MARCHF11: variants seen among roughly 807,000 people sequenced by gnomAD.
The protein encoded by MARCHF11 is membrane associated ring-CH-type finger 11.
Under a neutral mutation model 37.3 loss-of-function variants are expected in MARCHF11, and 29 were observed. The ratio of observed to expected loss-of-function variants is 0.78; its 90% CI spans 0.58 to 1.06. The LOEUF (loss-of-function observed/expected upper bound fraction) is 1.06. Ranked by LOEUF, MARCHF11 falls within the 50% of genes least tolerant of loss-of-function variation. The pLI is 0.00. For missense variants in MARCHF11, 482 were observed against 533.4 expected (o/e 0.90, Z 0.95); for synonymous variants, 233 against 228.0 (o/e 1.02, Z -0.20).
At chr5:16,137,547 G>A (rs1436412885) in intron 2 of MARCHF11, among the ~76,000 whole-genome samples, 1 of 152,134 alleles carries the variant, frequency 6.6e-6, no homozygotes, top group East Asian at 1.9e-4. Context: ...TATTGGTACT[G>A]GTAAAGTGGG....
At chr5:16,139,818 A>C (rs1157146907) in intron 2 of MARCHF11, among the ~76,000 whole-genome samples, 1 of 152,164 alleles carries the variant, frequency 6.6e-6, no homozygotes, top group African/African-American at 2.4e-5. Flanking sequence ...AATAAGAATA[A>C]AATTACCAAG....
chr5:16,165,256 G>GAC (rs1415597501), intron 2 of MARCHF11, among the ~76,000 whole-genome samples: 2 of 152,024 alleles, frequency 1.3e-5, no homozygotes, highest in Non-Finnish European at 2.9e-5. Context: ...TTTGTTTGAA[G>GAC]ACACTTCATT....
chr5:16,153,276 A>T (rs1459538256), intron 2 of MARCHF11, among the ~76,000 whole-genome samples: 1 of 152,056 alleles, frequency 6.6e-6, no homozygotes, highest in African/African-American at 2.4e-5. Flanking sequence ...ATGAGAAAAA[A>T]GTGCTTCCAG....
At chr5:16,099,193 T>G (rs1345439321) in intron 2 of MARCHF11, among the ~76,000 whole-genome samples, 2 of 152,134 alleles carry the variant, frequency 1.3e-5, no homozygotes, top group Non-Finnish European at 2.9e-5. Context: ...TGATCAAATT[T>G]CCAAGAAATA....
chr5:16,090,852 A>ACTGACAGTG, intron 3 of MARCHF11, 37 bp downstream of exon 3: 1 of 1,405,156 alleles, frequency 7.1e-7, no homozygotes, highest in Non-Finnish European at 9.5e-7. Context: ...GAAATGGATT[A>ACTGACAGTG]CTGACAGTGT....
rs568678414 is a variant in MARCHF11 at position 16,147,140 on chromosome 5, A to T, written c.693+30586T>A. ...GAGGTGACTGCATTTAGAGGCAGGC[A>T]CAGCCACAATAGAACAGGTTTTGAC... On this transcript the variant is annotated intron_variant, in intron 2 of 3. Transcript: ENST00000332432. 1.4e-4 allele frequency among the ~76,000 whole-genome samples: 21 copies of T among 152,324 alleles called. No homozygotes were observed. In the South Asian group the frequency reaches 4.3e-3, roughly 32 times the overall value.
chr5:16,095,483 AG>A (rs1342513045), intron 2 of MARCHF11, among the ~76,000 whole-genome samples: 537 of 50,152 alleles, frequency 0.011, 3 homozygotes, highest in African/African-American at 0.047. Context: ...GAAGGAAGGA[AG>A]GGAGGGAGGG....
chr5:16,158,202 G>A lies in MARCHF11; in HGVS notation c.693+19524C>T, dbSNP rs935696310. ...GTGTTGGCAAGGATGTGGAAAAAAG[G>A]GAGCACTCACACACTGTTAGTGGGA... On this transcript the variant is annotated intron_variant, in intron 2 of 3. Transcript: ENST00000332432. Among the ~76,000 whole-genome samples the A allele has an allele frequency of 2.0e-5, 3 of 151,896 alleles. No individual in the cohort carries two copies. In the East Asian group the frequency reaches 5.8e-4, roughly 29 times the overall value.
intron 2 of MARCHF11, among the ~76,000 whole-genome samples, chr5:16,121,289 G>T (rs2402096): frequency 6.6e-6 from 1 of 152,008 alleles, no homozygotes; most frequent in South Asian, 2.1e-4. Flanking sequence ...ACCGTGTGAC[G>T]TACTATATTT....
intron 2 of MARCHF11, among the ~76,000 whole-genome samples, chr5:16,145,735 T>C (rs757335349): frequency 7.0e-6 from 1 of 143,036 alleles, no homozygotes; most frequent in Non-Finnish European, 1.6e-5. Flanking sequence ...CAGTACAAGA[T>C]TTTATGAAAA....
Position 16,179,514 on chromosome 5 carries a change from T to C in MARCHF11, c.62A>G (p.Glu21Gly), listed in dbSNP as rs865869209. ...RCRGAESGDA[E>G]PPPQPPPPPP... Reference sequence around the variant, plus strand: ...CGGCGGGGGAGGTTGCGGGGGAGGCTCGGCGTCCCCGCTCTCCGCCCCGCG... The same window carrying C: ...CGGCGGGGGAGGTTGCGGGGGAGGCCCGGCGTCCCCGCTCTCCGCCCCGCG... Residue 21 changes from glutamate (E) to glycine (G), a missense_variant, in exon 1 of 4, where the codon GAG (glutamate) becomes GGG (glycine). Physicochemically the swap from Glu to Gly is moderately conservative, Grantham distance 98. Coordinates refer to ENST00000332432, the MANE Select transcript of MARCHF11 (RefSeq NM_001102562.3). The C allele has an allele frequency of 4.7e-5, 55 of 1,167,354 alleles. No individual in the cohort carries two copies. The highest frequency in any genetic ancestry group is 7.0e-4 in the Middle Eastern group (2 of 2,856). The allele number at this position is 1,167,354 out of a possible 1,614,324, so 72.3% of individuals were successfully genotyped here.
At chr5:16,171,482 G>A (rs2126610267) in intron 2 of MARCHF11, among the ~76,000 whole-genome samples, 1 of 152,112 alleles carries the variant, frequency 6.6e-6, no homozygotes, top group Non-Finnish European at 1.5e-5. Context: ...TGTGGTCCAT[G>A]AGTTTTTACA....
intron 3 of MARCHF11, 41 bp from the exon 4 acceptor site, chr5:16,067,834 A>T (rs750697106): frequency 2.6e-6 from 4 of 1,541,478 alleles, no homozygotes; most frequent in Non-Finnish European, 3.5e-6. Context: ...GACTGGTGAT[A>T]ATCCAAGGCT....
chr5:16,129,633 C>T (rs149982324), intron 2 of MARCHF11, among the ~76,000 whole-genome samples: 117 of 152,130 alleles, frequency 7.7e-4, no homozygotes, highest in Admixed American at 2.1e-3. Flanking sequence ...GTTGGCTCAG[C>T]GATATTTTAT....
chr5:16,164,951 C>T (rs1738144666), intron 2 of MARCHF11, among the ~76,000 whole-genome samples: 1 of 152,022 alleles, frequency 6.6e-6, no homozygotes, highest in South Asian at 2.1e-4. Context: ...TATTTCTCTA[C>T]CTGAGACTCT....
At chr5:16,109,619 G>T (rs1737103923) in intron 2 of MARCHF11, among the ~76,000 whole-genome samples, 1 of 152,156 alleles carries the variant, frequency 6.6e-6, no homozygotes, top group Admixed American at 6.5e-5. Context: ...TCTGAGCTCT[G>T]TGAACCATTC....
intron 2 of MARCHF11, among the ~76,000 whole-genome samples, 157 bp from the exon 3 acceptor site, chr5:16,091,238 A>G (rs895609050): frequency 2.6e-5 from 4 of 152,256 alleles, no homozygotes; most frequent in Admixed American, 6.5e-5. Flanking sequence ...GCTATAAAAA[A>G]TAGAGAAGCA....
At chr5:16,075,166 C>T (rs556607411) in intron 3 of MARCHF11, among the ~76,000 whole-genome samples, 71 of 152,316 alleles carry the variant, frequency 4.7e-4, no homozygotes, top group African/African-American at 1.6e-3. Context: ...CCATCCCCCA[C>T]GTCAATTAAA....
chr5:16,102,544 C>T (rs1736974053), intron 2 of MARCHF11, among the ~76,000 whole-genome samples: 1 of 152,184 alleles, frequency 6.6e-6, no homozygotes, highest in African/African-American at 2.4e-5. Flanking sequence ...AGCAATTGGA[C>T]ATCGGAGACT....
Sources: allele counts gnomAD v4.1 joint callset (sites outside exome capture counted in the v4.1 genomes callset), GRCh38; gene constraint gnomAD v4.1.1; transcripts MANE v1.5; gene names NCBI Gene and HGNC (gene_info 2026-07-23, HGNC 2026-07-21).